The following CMTM4 variants were observed in gnomAD, a reference collection of about 807,000 sequenced individuals.
CMTM4 encodes CKLF like MARVEL transmembrane domain containing 4, also known as CKLF-like MARVEL transmembrane domain-containing protein 4.
Under a neutral mutation model 19.0 loss-of-function variants are expected in CMTM4, and 8 were observed. The ratio of observed to expected loss-of-function variants is 0.42; its 90% CI spans 0.25 to 0.76. CMTM4 has a LOEUF of 0.76. Among genes scored for constraint, CMTM4 ranks in the 30% least tolerant of loss-of-function variants. CMTM4 has a pLI of 0.27. For synonymous variants in CMTM4, 106 were observed against 121.1 expected, an observed-to-expected ratio of 0.88 and a Z score of 0.82; for missense variants, 228 against 290.2, an observed-to-expected ratio of 0.79 and a Z score of 1.56.
At chr16:66,627,436 C>A (rs545396777) in intron 2 of CMTM4, among the ~76,000 whole-genome samples, 1 of 152,318 alleles carries the variant, frequency 6.6e-6, no homozygotes, top group South Asian at 2.1e-4. Flanking sequence ...TATTTTTAAA[C>A]AGCTTTATTG....
intron 1 of CMTM4, among the ~76,000 whole-genome samples, chr16:66,683,170 TATATAC>T (rs200231322): frequency 6.0e-5 from 5 of 83,930 alleles, no homozygotes; most frequent in African/African-American, 1.1e-4. Flanking sequence ...CGTATATATA[TATATAC>T]ATATGTATAT....
intron 2 of CMTM4, among the ~76,000 whole-genome samples, chr16:66,634,338 G>A (rs945274841): frequency 6.6e-5 from 10 of 151,826 alleles, no homozygotes; most frequent in African/African-American, 1.7e-4. Flanking sequence ...TACTAGGGAG[G>A]GTGAGGCAGG....
chr16:66,670,407 T>C (rs604129), intron 1 of CMTM4, among the ~76,000 whole-genome samples: 7,123 of 128,848 alleles, frequency 0.055, 270 homozygotes, highest in Admixed American at 0.15. Flanking sequence ...CGAGCCAAGA[T>C]CCAACCTGGG....
chr16:66,688,551 C>CAT (rs1230909739), intron 1 of CMTM4, among the ~76,000 whole-genome samples: 3 of 151,680 alleles, frequency 2.0e-5, no homozygotes, highest in Non-Finnish European at 2.9e-5. Flanking sequence ...CACACACACA[C>CAT]ATTCTACCCT....
chr16:66,599,586 C>CT, the CMTM4 span, among the ~76,000 whole-genome samples: 2 of 152,122 alleles, frequency 1.3e-5, no homozygotes, highest in Non-Finnish European at 2.9e-5. Flanking sequence ...ACCTGGAACT[C>CT]TTGGGCTCAA....
intron 1 of CMTM4, among the ~76,000 whole-genome samples, chr16:66,691,421 C>T (rs755434517): frequency 3.3e-5 from 5 of 152,024 alleles, no homozygotes; most frequent in Non-Finnish European, 5.9e-5. Flanking sequence ...AAGATATAGG[C>T]GGAGGTAAGT....
chr16:66,694,208 C>A (rs912476788), intron 1 of CMTM4, among the ~76,000 whole-genome samples: 1 of 152,168 alleles, frequency 6.6e-6, no homozygotes, highest in Non-Finnish European at 1.5e-5. Context: ...AAACTCCTAG[C>A]AATGCAGTAA....
At chr16:66,635,171 A>T (rs2015967253) in intron 2 of CMTM4, among the ~76,000 whole-genome samples, 2 of 152,240 alleles carry the variant, frequency 1.3e-5, no homozygotes, top group Non-Finnish European at 2.9e-5. Context: ...TATGGATAAC[A>T]TAAACCTCAT....
chr16:66,663,091 C>A lies in CMTM4; in HGVS notation c.187-26510G>T, dbSNP rs574937458. On this transcript the variant is annotated intron_variant, in intron 1 of 3. Transcript: ENST00000394106. ...GAACCTTCAACCCACAGAAGACTGACCAGAACTTCTCACTTGAACCCAGCC... is the reference window on the plus strand; with the variant it reads ...GAACCTTCAACCCACAGAAGACTGAACAGAACTTCTCACTTGAACCCAGCC... 9.2e-5 allele frequency among the ~76,000 whole-genome samples: 14 copies of A among 152,236 alleles called. No homozygotes were observed. In the South Asian group the frequency reaches 2.9e-3, roughly 32 times the overall value.
At chr16:66,609,814 AG>A (rs1567395049), downstream of CMTM4, 1 of 1,614,070 alleles carries the variant, frequency 6.2e-7, no homozygotes, top group Non-Finnish European at 8.5e-7. The surrounding 1 kb of genome is among the most constrained non-coding windows in gnomAD (Gnocchi z 4.4). Flanking sequence ...ATGGGCCGTG[AG>A]GCTGGGGCAG....
chr16:66,667,218 G>A (rs1187454185), intron 1 of CMTM4, among the ~76,000 whole-genome samples: 3 of 151,890 alleles, frequency 2.0e-5, no homozygotes, highest in Admixed American at 6.6e-5. Context: ...CCAGCTACCC[G>A]GGAGGCTAAG....
chr16:66,657,191 T>G (rs2144852007), intron 1 of CMTM4, among the ~76,000 whole-genome samples: 1 of 151,886 alleles, frequency 6.6e-6, no homozygotes, highest in African/African-American at 2.4e-5. Context: ...TTCATGCGGT[T>G]CTCCTGCCTC....
Position 66,619,849 on chromosome 16 carries a change from G to A in CMTM4, c.*2209C>T, listed in dbSNP as rs1162284489. On this transcript the variant is annotated 3_prime_UTR_variant, in exon 4 of 4. Coordinates refer to ENST00000394106, the MANE Select transcript of CMTM4 (RefSeq NM_181521.3). ...ACAGGGACATAAATAATTCTGAAGAGTCTATCACGAAGATGCAAATTAACT... is the reference window on the plus strand; with the variant it reads ...ACAGGGACATAAATAATTCTGAAGAATCTATCACGAAGATGCAAATTAACT... 1.0e-5 allele frequency: 10 copies of A among 985,288 alleles called. No individual in the cohort carries two copies. Among genetic ancestry groups the A allele is most frequent in the African/African-American group, 1.7e-5 (1 of 57,232 alleles). The allele number at this position is 985,288 out of a possible 1,614,324, so 61.0% of individuals were successfully genotyped here.
intron 1 of CMTM4, among the ~76,000 whole-genome samples, chr16:66,655,416 T>C (rs1385438523): frequency 6.6e-6 from 1 of 151,966 alleles, no homozygotes; most frequent in Non-Finnish European, 1.5e-5. Context: ...CTTAGAGAAA[T>C]GGCTAATTCA....
intron 1 of CMTM4, among the ~76,000 whole-genome samples, chr16:66,673,131 G>C (rs1452437326): frequency 1.4e-5 from 2 of 138,146 alleles, no homozygotes; most frequent in African/African-American, 2.7e-5. Context: ...TCACATGTTG[G>C]CCAGGCTGGT....
chr16:66,692,471 C>T (rs1176904107), intron 1 of CMTM4, among the ~76,000 whole-genome samples: 2 of 152,172 alleles, frequency 1.3e-5, no homozygotes, highest in African/African-American at 4.8e-5. Context: ...TGTTTAAATG[C>T]AGATGACTCA....
At chr16:66,646,735 C>G (rs1421723737) in intron 1 of CMTM4, among the ~76,000 whole-genome samples, 3 of 145,948 alleles carry the variant, frequency 2.1e-5, no homozygotes, top group Middle Eastern at 6.5e-3. Context: ...GGGACACAGT[C>G]TCGCTGTGTT....
At chr16:66,681,465 C>A (rs560081234) in intron 1 of CMTM4, among the ~76,000 whole-genome samples, 1 of 151,984 alleles carries the variant, frequency 6.6e-6, no homozygotes. Context: ...TACAGGCACC[C>A]GCCACCACGC....
At position 66,618,400 on chromosome 16, in the gene CMTM4, A is replaced by G; in HGVS notation, c.*3658T>C. ...AACCCTTAAATCATCACTGCCTTGC[A>G]GAATCACTAAATTGTTCAGGTGTCT... is the stretch of plus-strand genomic sequence containing the variant. On this transcript the variant is annotated 3_prime_UTR_variant, in exon 4 of 4. Transcript: ENST00000394106. 1.0e-6 allele frequency: 1 copy of G among 985,472 alleles called. No individual in the cohort carries two copies. Among genetic ancestry groups the G allele is most frequent in the South Asian group, 4.7e-5 (1 of 21,288 alleles). 61.0% of individuals were successfully genotyped at this position (985,472 alleles called of 1,614,324 possible).
Sources: gnomAD v4.1 joint callset for allele counts (sites outside exome capture counted in the v4.1 genomes callset) on GRCh38, gnomAD v4.1.1 for gene constraint, Gnocchi (gnomAD v3.1) non-coding constraint, MANE v1.5 for transcripts, NCBI Gene and HGNC (gene_info 2026-07-23, HGNC 2026-07-21) for gene names.